CCDC186: variants seen among roughly 807,000 people sequenced by gnomAD.
CCDC186 encodes the protein coiled-coil domain-containing protein 186.
A neutral mutation model predicts 113.7 loss-of-function variants in CCDC186; 49 were observed. The observed-to-expected ratio is 0.43, with a 90% CI of 0.34 to 0.55. The LOEUF is 0.55. Among genes scored for constraint, CCDC186 ranks in the 20% least tolerant of loss-of-function variants. CCDC186 has a pLI of 0.02. For synonymous variants in CCDC186, 355 were observed against 345.8 expected (o/e 1.03, Z -0.30); for missense variants, 890 against 1,011.1 (o/e 0.88, Z 1.62).
At chr10:114,168,034 T>C (rs953394705) in intron 1 of CCDC186, 2 of 152,100 alleles carry the variant, frequency 1.3e-5, no homozygotes, top group African/African-American at 2.4e-5. Flanking sequence ...TATATATATA[T>C]AGTAATTACA....
chr10:114,169,256 T>C (rs1157857780), intron 1 of CCDC186, among the ~76,000 whole-genome samples: 3 of 148,400 alleles, frequency 2.0e-5, no homozygotes, highest in Non-Finnish European at 4.5e-5. Flanking sequence ...TTTTTTTTTT[T>C]TTCTTAAAAA....
chr10:114,130,109 G>T, intron 12 of CCDC186, 138 bp from the exon 13 acceptor site: 1 of 620,214 alleles, frequency 1.6e-6, no homozygotes, highest in Non-Finnish European at 2.8e-6. Flanking sequence ...TTAGGCAGAG[G>T]GCTATGTCAT....
At chr10:114,146,501 T>G (rs1275852158) in intron 4 of CCDC186, among the ~76,000 whole-genome samples, 1 of 152,228 alleles carries the variant, frequency 6.6e-6, no homozygotes, top group Non-Finnish European at 1.5e-5. Context: ...ACCATTTAAT[T>G]TCCTATTTAT....
In CCDC186 at chr10:114,125,062, G is replaced by A; in HGVS notation, c.*81C>T. 1 of 1,003,546 alleles carries A rather than the reference G, an allele frequency of 1.0e-6. No individual in the cohort carries two copies. The allele number at this position is 1,003,546 out of a possible 1,614,324, so 62.2% of individuals were successfully genotyped here. A position where few individuals can be genotyped will look rare whatever the true frequency, so the allele number is the denominator to read the frequency against. ...ATTTTTACTGGCTGAAACAAAAAGT[G>A]GAACAAAGTCTCCAACAATAGAGGT... is the stretch of plus-strand genomic sequence containing the variant. On this transcript the variant is annotated 3_prime_UTR_variant, in exon 16 of 16. Transcript: ENST00000369287.
chr10:114,136,619 T>C (rs930749371), intron 7 of CCDC186, among the ~76,000 whole-genome samples: 16 of 152,354 alleles, frequency 1.1e-4, no homozygotes, highest in Admixed American at 4.6e-4. Context: ...ATTAGGTTAT[T>C]AACCTAAAGT....
intron 10 of CCDC186, among the ~76,000 whole-genome samples, chr10:114,134,033 C>T (rs573256326): frequency 8.1e-4 from 124 of 152,260 alleles, no homozygotes; most frequent in Admixed American, 3.5e-3. Flanking sequence ...AAATCCATAG[C>T]GGAAGTAGAA....
intron 3 of CCDC186, among the ~76,000 whole-genome samples, chr10:114,151,747 G>A (rs909706718): frequency 1.3e-5 from 2 of 152,196 alleles, no homozygotes; most frequent in African/African-American, 4.8e-5. Context: ...CAGGACGACA[G>A]TGCTTGTGTG....
At chr10:114,127,186 G>A (rs1479476547) in intron 14 of CCDC186, among the ~76,000 whole-genome samples, 1 of 152,032 alleles carries the variant, frequency 6.6e-6, no homozygotes, top group Admixed American at 6.5e-5. Context: ...GCTAAGTAAA[G>A]CATTATCTTT....
At chr10:114,125,747 A>G (rs1324825715) in intron 15 of CCDC186, 139 bp downstream of exon 15, 6 of 649,272 alleles carry the variant, frequency 9.2e-6, no homozygotes, top group Non-Finnish European at 1.5e-5. Flanking sequence ...TAAAAAGAGA[A>G]AATCACGAAA....
intron 3 of CCDC186, among the ~76,000 whole-genome samples, chr10:114,154,885 C>CTA (rs1388535774): frequency 1.3e-5 from 2 of 152,126 alleles, no homozygotes; most frequent in African/African-American, 4.8e-5. Context: ...ATATAATGAA[C>CTA]TACTATTCAA....
intron 2 of CCDC186, among the ~76,000 whole-genome samples, chr10:114,157,985 CTG>C (rs1317885132): frequency 2.6e-5 from 4 of 152,320 alleles, no homozygotes; most frequent in Admixed American, 2.6e-4. Flanking sequence ...TGCACCAATC[CTG>C]TCAGCACTGG....
chr10:114,167,607 T>C (rs1248280338), intron 1 of CCDC186, among the ~76,000 whole-genome samples: 1 of 151,598 alleles, frequency 6.6e-6, no homozygotes, highest in Non-Finnish European at 1.5e-5. Context: ...AAGGATAGAA[T>C]GGCAAGTAGT....
At chr10:114,137,562 C>A (rs1356414952) in intron 6 of CCDC186, among the ~76,000 whole-genome samples, 3 of 152,206 alleles carry the variant, frequency 2.0e-5, no homozygotes, top group African/African-American at 7.2e-5. Flanking sequence ...TCTTTGTACA[C>A]ACACATCAAA....
chr10:114,173,958 C>T, intron 1 of CCDC186, 57 bp downstream of exon 1: 1 of 460,466 alleles, frequency 2.2e-6, no homozygotes, highest in Non-Finnish European at 4.4e-6. Flanking sequence ...GCTGGCAGCC[C>T]CACCGCACCG....
chr10:114,137,307 CAG>C lies in CCDC186; in HGVS notation c.1222-19_1222-18del, dbSNP rs756772312. ...TTTGGTTTCCTGCATTGACAAAAGA[CAG>C]AGACACAGTTGGGTACAGCAACGTG... On this transcript the variant is annotated intron_variant, in intron 6 of 15. Coordinates refer to ENST00000369287, the MANE Select transcript of CCDC186 (RefSeq NM_018017.4). 1.3e-6 allele frequency: 2 copies of C among 1,588,942 alleles called. No homozygotes were observed. Among genetic ancestry groups the C allele is most frequent in the African/African-American group, 1.3e-5 (1 of 74,316 alleles).
At chr10:114,127,068 T>C (rs2119677885) in intron 14 of CCDC186, among the ~76,000 whole-genome samples, 1 of 152,260 alleles carries the variant, frequency 6.6e-6, no homozygotes, top group East Asian at 1.9e-4. Flanking sequence ...GCACAGCGCC[T>C]TGTACTACTA....
intron 6 of CCDC186, among the ~76,000 whole-genome samples, chr10:114,138,492 C>T (rs182643793): frequency 1.8e-4 from 28 of 151,674 alleles, no homozygotes; most frequent in East Asian, 5.9e-4. Flanking sequence ...TAGGTTTTGG[C>T]CAGGCTGGTC....
At chr10:114,167,600 G>A (rs137922307) in intron 1 of CCDC186, among the ~76,000 whole-genome samples, 1 of 151,818 alleles carries the variant, frequency 6.6e-6, no homozygotes, top group Non-Finnish European at 1.5e-5. Flanking sequence ...GGCTACTAAG[G>A]ATAGAATGGC....
In CCDC186 at chr10:114,157,601, T is replaced by G; in HGVS notation, c.712A>C (p.Lys238Gln). ...TGCTTCTCAGTTTCTGTTCTTTTCT[T>G]TAGTTCTTCTCTTAAATTGTCTTTT... ...SEKDNLREELKKRTETEKQHM... is the reference protein window; with the variant it reads ...SEKDNLREELQKRTETEKQHM... The change falls in exon 3 of 16, where the codon AAG becomes CAG. Residue 238 changes from lysine (K) to glutamine (Q), a missense_variant. Lys to Gln is a moderately conservative substitution (Grantham distance 53). Transcript: ENST00000369287. 1 of 1,611,504 alleles carries G rather than the reference T, an allele frequency of 6.2e-7. No individual in the cohort carries two copies. The highest frequency in any genetic ancestry group is 8.5e-7 in the Non-Finnish European group (1 of 1,179,160).
Sources: gnomAD v4.1 joint callset for allele counts (sites outside exome capture counted in the v4.1 genomes callset) on GRCh38, gnomAD v4.1.1 for gene constraint, MANE v1.5 for transcripts, NCBI Gene and HGNC (gene_info 2026-07-23, HGNC 2026-07-21) for gene names.